HEATR1: variants seen among roughly 807,000 people sequenced by gnomAD.
HEATR1 encodes HEAT repeat containing 1, also known as HEAT repeat-containing protein 1.
Under a neutral mutation model 248.2 loss-of-function variants are expected in HEATR1, and 77 were observed. That is an observed-to-expected ratio of 0.31 (90% CI 0.26 to 0.37). The LOEUF (loss-of-function observed/expected upper bound fraction) is 0.37. Among genes scored for constraint, HEATR1 ranks in the 10% least tolerant of loss-of-function variants. The probability of loss-of-function intolerance (pLI) is 1.00; values close to 1 mark genes in which losing one functional copy is unlikely to be tolerated. For missense variants in HEATR1, 2,420 were observed against 2,504.9 expected, an observed-to-expected ratio of 0.97 and a Z score of 0.72; for synonymous variants, 897 against 923.1, an observed-to-expected ratio of 0.97 and a Z score of 0.51.
intron 32 of HEATR1, among the ~76,000 whole-genome samples, chr1:236,561,628 A>G (rs910850927): frequency 6.6e-6 from 1 of 152,174 alleles, no homozygotes; most frequent in Admixed American, 6.5e-5. Flanking sequence ...TCCCCCAAGT[A>G]CTGCTCCTTG....
At chr1:236,594,924 G>T (rs555901938) in intron 8 of HEATR1, among the ~76,000 whole-genome samples, 119 of 152,116 alleles carry the variant, frequency 7.8e-4, no homozygotes, top group African/African-American at 2.6e-3. Context: ...TCAGTCTCCC[G>T]AGCAGCTGGG....
chr1:236,587,453 G>C lies in HEATR1; in HGVS notation c.1664C>G (p.Ser555Ter). The change falls in exon 14 of 45, where the codon TCA (serine) becomes TGA (stop). Residue 555 changes from serine (S) to a stop codon, truncating the protein, a stop_gained. Transcript: ENST00000366582. LOFTEE classifies it high-confidence loss of function. ...KEHFSSEVTISNLLNLFQRAE... is the reference protein window; with the variant it reads ...KEHFSSEVTI The stretch of plus-strand genomic sequence containing the variant: ...TCTTTGAAAGAGATTCAGAAGATTT[G>C]AAATCGTCACTTCTGAACTGAAGTG... 6.5e-7 allele frequency: 1 copy of C among 1,540,264 alleles called. No individual in the cohort carries two copies. The highest frequency in any genetic ancestry group is 8.8e-7 in the Non-Finnish European group (1 of 1,137,680).
chr1:236,598,921 A>G (rs1447979065), intron 4 of HEATR1, among the ~76,000 whole-genome samples: 2 of 152,170 alleles, frequency 1.3e-5, no homozygotes, highest in Admixed American at 6.5e-5. Flanking sequence ...CTACAATAGC[A>G]TGCTGTCTTT....
At chr1:236,565,496 C>T (rs1287566371) in intron 31 of HEATR1, among the ~76,000 whole-genome samples, 20 of 152,050 alleles carry the variant, frequency 1.3e-4, no homozygotes, top group Non-Finnish European at 8.8e-5. Context: ...TGCTGCGGTT[C>T]GTGGGATTTT....
At chr1:236,585,538 A>C (rs1442532731) in intron 16 of HEATR1, among the ~76,000 whole-genome samples, 5 of 152,170 alleles carry the variant, frequency 3.3e-5, no homozygotes, top group Non-Finnish European at 5.9e-5. Context: ...ACAACAACAA[A>C]AAGACTAATA....
At chr1:236,603,507 C>A in intron 2 of HEATR1, 131 bp from the exon 3 acceptor site, 1 of 671,930 alleles carries the variant, frequency 1.5e-6, no homozygotes, top group Non-Finnish European at 2.5e-6. Flanking sequence ...ATAATACAGT[C>A]CCAAACACTG....
intron 20 of HEATR1, 136 bp downstream of exon 20, chr1:236,581,086 G>A (rs953566510): frequency 2.0e-5 from 13 of 654,342 alleles, no homozygotes; most frequent in Non-Finnish European, 3.3e-5. Flanking sequence ...CCAAAGTGCT[G>A]GGATTACAGG....
rs144454146 is a variant in HEATR1, at chr1:236,576,833, G to A, written c.2872C>T (p.His958Tyr). 1.2e-6 allele frequency: 2 copies of A among 1,613,998 alleles called. No individual in the cohort carries two copies. The highest frequency in any genetic ancestry group is 1.7e-6 in the Non-Finnish European group (2 of 1,179,948). ...ATCTCCTCTGCTTTAGAAATCAAAT[G>A]ATCTATTATCAGATAAAACGGGGAT... The part of the protein sequence containing the change: ...VASPFYLIID[H>Y]LISKAEEITS... The change falls in exon 21 of 45, where the codon CAT (histidine) becomes TAT (tyrosine). Residue 958 changes from histidine to tyrosine, a missense_variant. Transcript: ENST00000366582.
At chr1:236,571,815 C>A (rs1381883263) in intron 26 of HEATR1, 129 bp from the exon 27 acceptor site, 4 of 674,452 alleles carry the variant, frequency 5.9e-6, no homozygotes, top group Non-Finnish European at 1.1e-5. Flanking sequence ...AAAATACTAT[C>A]ATTAAACATC....
chr1:236,585,270 T>G (rs657629), intron 16 of HEATR1, 54 bp from the exon 17 acceptor site: 1 of 1,476,074 alleles, frequency 6.8e-7, no homozygotes, highest in Non-Finnish European at 9.2e-7. Flanking sequence ...CATAAAACAA[T>G]TTTTTCAACT....
At chr1:236,555,971 T>C (rs1662963727) in intron 38 of HEATR1, 32 bp from the exon 39 acceptor site, 1 of 1,612,174 alleles carries the variant, frequency 6.2e-7, no homozygotes, top group Admixed American at 1.7e-5. Context: ...GATGTGCCAT[T>C]TTCAAATGAT....
chr1:236,601,914 G>A (rs1443505380), intron 3 of HEATR1, among the ~76,000 whole-genome samples: 2 of 151,532 alleles, frequency 1.3e-5, no homozygotes. Flanking sequence ...AGTGGATCAC[G>A]AGGTCAGGAG....
Position 236,603,337 on chromosome 1 carries a change from G to A in HEATR1, c.182C>T (p.Ser61Phe), listed in dbSNP as rs778718727. 5 of 1,613,998 alleles carry A rather than the reference G, an allele frequency of 3.1e-6. No homozygotes were observed. Among genetic ancestry groups the A allele is most frequent in the Non-Finnish European group, 4.2e-6 (5 of 1,180,020 alleles). Residue 61 changes from serine (S) to phenylalanine (F), a missense_variant, in exon 3 of 45, where the codon TCC becomes TTC. Coordinates refer to ENST00000366582, the MANE Select transcript of HEATR1 (RefSeq NM_018072.6). Reference protein sequence around the residue: ...GLEELLGIDPSFEQFEAPLFS... With the variant: ...GLEELLGIDPFFEQFEAPLFS... The stretch of plus-strand genomic sequence containing the variant: ...CAACGGTGCTTCAAACTGCTCAAAG[G>A]AAGGATCAATTCCAAGCAACTCTTC...
At chr1:236,603,792 C>A (rs762778584) in intron 2 of HEATR1, among the ~76,000 whole-genome samples, 162 bp downstream of exon 2, 2 of 151,704 alleles carry the variant, frequency 1.3e-5, no homozygotes, top group Non-Finnish European at 2.9e-5. Flanking sequence ...CACCAAGCAC[C>A]TGACTGTTAT....
At chr1:236,576,733 T>A (rs1663570497) in intron 21 of HEATR1, 47 bp downstream of exon 21, 2 of 1,538,598 alleles carry the variant, frequency 1.3e-6, no homozygotes, top group African/African-American at 2.7e-5. Context: ...ATTGCTCCAG[T>A]ACACAGAGGC....
At position 236,587,506 on chromosome 1, in the gene HEATR1, T is replaced by C. The variant is rs751071175; in HGVS notation, c.1627-16A>G. On this transcript the variant is annotated splice_polypyrimidine_tract_variant and intron_variant, in intron 13 of 44. Coordinates refer to ENST00000366582, the MANE Select transcript of HEATR1 (RefSeq NM_018072.6). Reference sequence around the variant, plus strand: ...CTTTGAAAATCTAAAGGGAAAAAAATATCCAGAGTAGATTTGTACTTGCTT... The same window carrying C: ...CTTTGAAAATCTAAAGGGAAAAAAACATCCAGAGTAGATTTGTACTTGCTT... 43 of 1,325,600 alleles carry C rather than the reference T, an allele frequency of 3.2e-5. No homozygotes were observed. Among genetic ancestry groups the C allele is most frequent in the Non-Finnish European group, 4.0e-5 (39 of 968,306 alleles). The allele number at this position is 1,325,600 out of a possible 1,614,324, so 82.1% of individuals were successfully genotyped here. A position where few individuals can be genotyped will look rare whatever the true frequency, so the allele number is the denominator to read the frequency against.
At chr1:236,575,299 C>CT (rs1663537162) in intron 22 of HEATR1, among the ~76,000 whole-genome samples, 1 of 152,162 alleles carries the variant, frequency 6.6e-6, no homozygotes, top group African/African-American at 2.4e-5. Context: ...GTATGTAAAT[C>CT]TTTAACTGCT....
intron 17 of HEATR1, 82 bp from the exon 18 acceptor site, chr1:236,583,278 A>G (rs1663802250): frequency 5.6e-6 from 7 of 1,255,672 alleles, no homozygotes; most frequent in Non-Finnish European, 7.7e-6. Flanking sequence ...CATAATATGC[A>G]AAAGTTTTGT....
chr1:236,568,346 T>C (rs909412987), intron 29 of HEATR1, among the ~76,000 whole-genome samples: 19 of 152,230 alleles, frequency 1.2e-4, no homozygotes, highest in Admixed American at 1.3e-4. Context: ...ACCAATCTAA[T>C]ACTAAGGTTA....
Sources: allele counts gnomAD v4.1 joint callset (sites outside exome capture counted in the v4.1 genomes callset), GRCh38; gene constraint gnomAD v4.1.1; transcripts MANE v1.5; gene names NCBI Gene and HGNC (gene_info 2026-07-23, HGNC 2026-07-21).